Variants in CA13 observed in about 807,000 individuals in gnomAD.
CA13 encodes the protein carbonic anhydrase 13, also known as CA-XIII.
CA13 carries 21 observed loss-of-function variants against 31.5 expected under a neutral mutation model. That is an observed-to-expected ratio of 0.67 (90% CI 0.47 to 0.96). CA13 has a LOEUF of 0.96. Among genes scored for constraint, CA13 ranks in the 40% least tolerant of loss-of-function variants. CA13 has a pLI of 0.00. For synonymous variants in CA13, 117 were observed against 111.4 expected, an observed-to-expected ratio of 1.05 and a Z score of -0.32; for missense variants, 315 against 318.9, an observed-to-expected ratio of 0.99 and a Z score of 0.09.
At chr8:85,265,722 TTAGTTTGATTTAATCA>T (rs1412521697) in intron 3 of CA13, among the ~76,000 whole-genome samples, 1 of 152,232 alleles carries the variant, frequency 6.6e-6, no homozygotes, top group Non-Finnish European at 1.5e-5. Context: ...AATATTTTAA[TTAGTTTGATTTAATCA>T]TTCCACATTT....
At chr8:85,260,469 A>G (rs1156782545) in intron 3 of CA13, among the ~76,000 whole-genome samples, 1 of 152,196 alleles carries the variant, frequency 6.6e-6, no homozygotes, top group East Asian at 1.9e-4. Flanking sequence ...GATGCCCTGT[A>G]TAGCCCTGCT....
intron 1 of CA13, 150 bp from the exon 2 acceptor site, chr8:85,250,589 AC>A (rs1183222055): frequency 1.8e-6 from 1 of 564,024 alleles, no homozygotes; most frequent in African/African-American, 1.9e-5. Context: ...GTAAAAAAAA[AC>A]AATTAGATGC....
chr8:85,259,034 G>A (rs1460132396), intron 2 of CA13, among the ~76,000 whole-genome samples: 4 of 152,114 alleles, frequency 2.6e-5, no homozygotes, highest in African/African-American at 7.2e-5. Context: ...AAACCACAAT[G>A]CTGCACTGCT....
chr8:85,281,075 CAA>C (rs1192424063), intron 6 of CA13, among the ~76,000 whole-genome samples, 153 bp from the exon 7 acceptor site: 1 of 152,142 alleles, frequency 6.6e-6, no homozygotes, highest in Non-Finnish European at 1.5e-5. Flanking sequence ...GAGAATTTAG[CAA>C]AAGAGTTGCT....
chr8:85,275,292 C>T (rs926144666), intron 6 of CA13, among the ~76,000 whole-genome samples: 5 of 152,110 alleles, frequency 3.3e-5, no homozygotes, highest in African/African-American at 9.7e-5. Context: ...TTTTATCATT[C>T]CACTTGCGGG....
chr8:85,262,637 T>C (rs1258816227), intron 3 of CA13, among the ~76,000 whole-genome samples: 2 of 152,210 alleles, frequency 1.3e-5, no homozygotes, highest in African/African-American at 4.8e-5. Context: ...ACTGAAAGGC[T>C]TTCCATTGGG....
rs1813713325 is a variant in CA13, at chr8:85,245,779, C to G, written c.-50C>G. ...CCCGGGCCCCTCCCCGCTCCCTCCT[C>G]TTTCTCGCTGCTCAGTCACATCTTT... On this transcript the variant is annotated 5_prime_UTR_variant, in exon 1 of 7. Transcript: ENST00000321764. 6.2e-7 allele frequency: 1 copy of G among 1,608,604 alleles called. No homozygotes were observed. The highest frequency in any genetic ancestry group is 2.2e-5 in the East Asian group (1 of 44,838).
Position 85,245,650 on chromosome 8 carries a change from C to A in CA13, c.-179C>A. 1.5e-6 allele frequency: 1 copy of A among 657,552 alleles called. No homozygotes were observed. The highest frequency in any genetic ancestry group is 2.6e-6 in the Non-Finnish European group (1 of 380,616). The allele number at this position is 657,552 out of a possible 1,614,324, so 40.7% of individuals were successfully genotyped here. A position where few individuals can be genotyped will look rare whatever the true frequency, so the allele number is the denominator to read the frequency against. ...CAGCGGCGCGGGCGCCTTCCCCGCA[C>A]GCCTCTGCCGTCTGGAGGACGCAGG... On this transcript the variant is annotated 5_prime_UTR_variant, in exon 1 of 7. Transcript: ENST00000321764.
chr8:85,281,445 T>C lies in CA13; in HGVS notation c.*96T>C, dbSNP rs1027995896. On this transcript the variant is annotated 3_prime_UTR_variant, in exon 7 of 7. Transcript: ENST00000321764. The stretch of plus-strand genomic sequence containing the variant: ...CTCTGCCAACAACTCTTTTGTGGAA[T>C]TCTAATTTATAGGAAACATTTTAGT... The C allele has an allele frequency of 1.6e-5, 24 of 1,517,254 alleles. No homozygotes were observed. Among genetic ancestry groups the C allele is most frequent in the Non-Finnish European group, 2.0e-5 (23 of 1,126,992 alleles). The allele number at this position is 1,517,254 out of a possible 1,614,324, so 94.0% of individuals were successfully genotyped here. A position where few individuals can be genotyped will look rare whatever the true frequency, so the allele number is the denominator to read the frequency against.
In CA13 at chr8:85,266,620, C is replaced by A. The variant is rs1807461103; in HGVS notation, c.367C>A (p.His123Asn). 2 of 1,613,346 alleles carry A rather than the reference C, an allele frequency of 1.2e-6. No individual in the cohort carries two copies. Among genetic ancestry groups the A allele is most frequent in the Non-Finnish European group, 1.7e-6 (2 of 1,179,498 alleles). ...VSYAAELHVVHWNSDKYPSFV... is the reference protein window; with the variant it reads ...VSYAAELHVVNWNSDKYPSFV... Reference sequence around the variant, plus strand: ...ATCTCCCTTTCAGCTCCATGTTGTTCACTGGAATTCAGACAAATACCCCAG... The same window carrying A: ...ATCTCCCTTTCAGCTCCATGTTGTTAACTGGAATTCAGACAAATACCCCAG... Residue 123 changes from histidine (H) to asparagine (N), a missense_variant, in exon 4 of 7, where the codon CAC becomes AAC. Coordinates refer to ENST00000321764, the MANE Select transcript of CA13 (RefSeq NM_198584.3).
At chr8:85,274,667 C>A (rs185806652) in intron 6 of CA13, among the ~76,000 whole-genome samples, 1 of 152,100 alleles carries the variant, frequency 6.6e-6, no homozygotes, top group African/African-American at 2.4e-5. Flanking sequence ...GGTTTTGTTG[C>A]GAGAGCATTT....
At chr8:85,266,926 A>G (rs1011873614) in intron 4 of CA13, among the ~76,000 whole-genome samples, 2 of 152,242 alleles carry the variant, frequency 1.3e-5, no homozygotes, top group African/African-American at 4.8e-5. Context: ...CAATAGCAGC[A>G]TCAACATCAA....
chr8:85,276,261 C>G lies in CA13; in HGVS notation c.670-4969C>G, dbSNP rs550764931. ...CCGGCCTTAGCTGCCTTCCTCCCCC[C>G]GGGGCAGGGCTCGGGACCTGCAGCC... On this transcript the variant is annotated intron_variant, in intron 6 of 6. Transcript: ENST00000321764. Among the ~76,000 whole-genome samples, 51 of 152,272 alleles carry G rather than the reference C, an allele frequency of 3.3e-4. 2 individuals are homozygous for G. Among genetic ancestry groups the G allele is most frequent in the Middle Eastern group, 6.8e-3 (2 of 294 alleles).
intron 6 of CA13, among the ~76,000 whole-genome samples, chr8:85,269,898 G>A (rs1339434228): frequency 1.3e-5 from 2 of 151,952 alleles, no homozygotes; most frequent in Non-Finnish European, 2.9e-5. Context: ...AAAATTTTGT[G>A]TAGACAGGGT....
At chr8:85,256,943 T>G (rs1020104322) in intron 2 of CA13, among the ~76,000 whole-genome samples, 8 of 151,942 alleles carry the variant, frequency 5.3e-5, no homozygotes. Context: ...GTCCTTTGGT[T>G]TCTCTCTCTC....
intron 2 of CA13, among the ~76,000 whole-genome samples, chr8:85,251,214 G>A (rs1813822473): frequency 6.6e-6 from 1 of 152,120 alleles, no homozygotes; most frequent in African/African-American, 2.4e-5. Context: ...ATGTTGGCCA[G>A]GATGGTCTTG....
intron 2 of CA13, among the ~76,000 whole-genome samples, chr8:85,256,277 C>A (rs1239908204): frequency 6.6e-6 from 1 of 152,076 alleles, no homozygotes; most frequent in Non-Finnish European, 1.5e-5. Context: ...TTATAGTAGG[C>A]GCTCAATAAC....
chr8:85,283,296 A>G lies in CA13; in HGVS notation c.*1947A>G, dbSNP rs1364086578. 6.6e-6 allele frequency: 1 copy of G among 152,212 alleles called. No homozygotes were observed. Among genetic ancestry groups the G allele is most frequent in the Non-Finnish European group, 1.5e-5 (1 of 68,044 alleles). The allele number at this position is 152,212 out of a possible 1,614,324, so 9.4% of individuals were successfully genotyped here. A position where few individuals can be genotyped will look rare whatever the true frequency, so the allele number is the denominator to read the frequency against. ...TAACTGAATATCAGTAAATTGTGTA[A>G]CAGTGGTGGATACTGTTGCATAAGA... On this transcript the variant is annotated 3_prime_UTR_variant, in exon 7 of 7. Transcript: ENST00000321764.
intron 3 of CA13, among the ~76,000 whole-genome samples, chr8:85,261,834 A>G (rs184556943): frequency 1.2e-4 from 19 of 152,066 alleles, no homozygotes; most frequent in Admixed American, 1.1e-3. Flanking sequence ...AAAGCTTGGA[A>G]TAGATTTTCT....
Sources: gnomAD v4.1 joint callset for allele counts (sites outside exome capture counted in the v4.1 genomes callset) on GRCh38, gnomAD v4.1.1 for gene constraint, MANE v1.5 for transcripts, NCBI Gene and HGNC (gene_info 2026-07-23, HGNC 2026-07-21) for gene names.